The following SNTA1 variants were observed in gnomAD, a reference collection of about 807,000 sequenced individuals.
The protein encoded by SNTA1 is syntrophin alpha 1, also known as alpha-1-syntrophin.
In SNTA1, 31 loss-of-function variants were observed where a neutral mutation model predicts 47.1. The observed-to-expected ratio is 0.66, with a 90% confidence interval of 0.49 to 0.89. The LOEUF is 0.89. Among genes scored for constraint, SNTA1 ranks in the 40% least tolerant of loss-of-function variants. SNTA1 has a pLI of 0.00. For synonymous variants in SNTA1, 300 were observed against 313.6 expected (o/e 0.96, Z 0.46); for missense variants, 575 against 693.0 (o/e 0.83, Z 1.91).
At chr20:33,411,266 C>T (rs1568747491) in intron 5 of SNTA1, among the ~76,000 whole-genome samples, 1 of 152,076 alleles carries the variant, frequency 6.6e-6, no homozygotes, top group Non-Finnish European at 1.5e-5. Flanking sequence ...CCTCTCCATC[C>T]CACACACACT....
intron 5 of SNTA1, among the ~76,000 whole-genome samples, chr20:33,411,092 C>G (rs996499347): frequency 1.3e-5 from 2 of 152,098 alleles, no homozygotes; most frequent in Non-Finnish European, 2.9e-5. Flanking sequence ...CTGCCCCTCT[C>G]TGGGGCAGAA....
At chr20:33,424,140 C>G (rs1990103791) in intron 2 of SNTA1, among the ~76,000 whole-genome samples, 1 of 151,770 alleles carries the variant, frequency 6.6e-6, no homozygotes. Flanking sequence ...CATGGTGAAA[C>G]CCTGTCTCTA....
rs2146815151 is a variant in SNTA1 at position 33,443,531 on chromosome 20, C to A, written c.90G>T (p.Arg30=). The part of the protein sequence containing the change: ...GSGAGGERWQ[R]VLLSLAEDVL... The stretch of plus-strand genomic sequence containing the variant: ...CGTCCTCCGCCAGACTCAGCAGCAC[C>A]CGCTGCCATCGCTCGCCGCCGGCCC... Residue 30 remains arginine (R), a synonymous_variant, in exon 1 of 8, where the codon CGG becomes CGT. Coordinates refer to ENST00000217381, the MANE Select transcript of SNTA1 (RefSeq NM_003098.3). The A allele has an allele frequency of 7.4e-7, 1 of 1,349,778 alleles. No homozygotes were observed. The highest frequency in any genetic ancestry group is 9.6e-7 in the Non-Finnish European group (1 of 1,043,650). The allele number at this position is 1,349,778 out of a possible 1,614,324, so 83.6% of individuals were successfully genotyped here.
intron 2 of SNTA1, among the ~76,000 whole-genome samples, chr20:33,432,702 A>T (rs1990340226): frequency 6.6e-6 from 1 of 152,002 alleles, no homozygotes; most frequent in East Asian, 1.9e-4. Context: ...GTTTCTATTA[A>T]TTTTTTTTAA....
rs776849622 is a variant in SNTA1, at chr20:33,443,348, G to C, written c.273C>G (p.Arg91=). ...LLLQRRRVTV[R]KADAGGLGIS... ...TGCCCAGCCCACCGGCGTCGGCCTT[G>C]CGCACCGTCACGCGGCGCCGCTGGA... Residue 91 remains arginine, a synonymous_variant, in exon 1 of 8, where the codon CGC becomes CGG. Transcript: ENST00000217381. The C allele has an allele frequency of 1.4e-6, 2 of 1,480,662 alleles. No homozygotes were observed. The highest frequency in any genetic ancestry group is 8.9e-7 in the Non-Finnish European group (1 of 1,120,838). 91.7% of individuals were successfully genotyped at this position (1,480,662 alleles called of 1,614,324 possible).
chr20:33,411,207 C>T (rs990325989), intron 5 of SNTA1, among the ~76,000 whole-genome samples: 2 of 152,110 alleles, frequency 1.3e-5, no homozygotes, highest in African/African-American at 4.8e-5. Context: ...TTCGACTTTC[C>T]AGCCCTGAGC....
chr20:33,414,258 A>C (rs1484099085), intron 3 of SNTA1, among the ~76,000 whole-genome samples: 3 of 140,098 alleles, frequency 2.1e-5, no homozygotes, highest in Non-Finnish European at 3.0e-5. Context: ...AAAAAAAAAA[A>C]AAAAAAAAAA....
At chr20:33,436,466 T>C (rs1047901569) in intron 2 of SNTA1, among the ~76,000 whole-genome samples, 2 of 152,174 alleles carry the variant, frequency 1.3e-5, no homozygotes, top group African/African-American at 2.4e-5. Context: ...TTCTATTATT[T>C]AACTTTGCCA....
At chr20:33,411,646 T>C (rs1433542921) in intron 5 of SNTA1, among the ~76,000 whole-genome samples, 1 of 152,120 alleles carries the variant, frequency 6.6e-6, no homozygotes, top group Non-Finnish European at 1.5e-5. Flanking sequence ...CCTTCAACAC[T>C]ACCAAACTCT....
At position 33,408,190 on chromosome 20, in the gene SNTA1, G is replaced by T. The variant is rs1989641816; in HGVS notation, c.*317C>A. Reference sequence around the variant, plus strand: ...GAGGAGGCCCGGCAGCTCAGCTGTTGGCTGGGGTCAGGATCCGCACAGGGG... The same window carrying T: ...GAGGAGGCCCGGCAGCTCAGCTGTTTGCTGGGGTCAGGATCCGCACAGGGG... On this transcript the variant is annotated 3_prime_UTR_variant, in exon 8 of 8. Coordinates refer to ENST00000217381, the MANE Select transcript of SNTA1 (RefSeq NM_003098.3). 1 of 408,998 alleles carries T rather than the reference G, an allele frequency of 2.4e-6. No homozygotes were observed. The highest frequency in any genetic ancestry group is 4.9e-5 in the East Asian group (1 of 20,308). The allele number at this position is 408,998 out of a possible 1,614,324, so 25.3% of individuals were successfully genotyped here.
Position 33,443,698 on chromosome 20 carries a change from C to A in SNTA1, c.-78G>T, listed in dbSNP as rs1197907180. ...GCCCGCTCCGACCAAGCGCCCAGGG[C>A]AGAGGGCAGCGGGGGCCCGGCTGGG... On this transcript the variant is annotated 5_prime_UTR_variant, in exon 1 of 8. Transcript: ENST00000217381. The A allele has an allele frequency of 5.2e-6, 5 of 959,234 alleles. No homozygotes were observed. The highest frequency in any genetic ancestry group is 5.1e-5 in the East Asian group (1 of 19,458). The allele number at this position is 959,234 out of a possible 1,614,324, so 59.4% of individuals were successfully genotyped here. A position where few individuals can be genotyped will look rare whatever the true frequency, so the allele number is the denominator to read the frequency against.
intron 5 of SNTA1, among the ~76,000 whole-genome samples, chr20:33,411,694 G>A (rs1048586825): frequency 6.6e-6 from 1 of 152,196 alleles, no homozygotes; most frequent in African/African-American, 2.4e-5. Context: ...GGCAATAGAA[G>A]CTCTTCAAGA....
At chr20:33,419,434 T>G (rs1304622542) in intron 2 of SNTA1, among the ~76,000 whole-genome samples, 2 of 152,052 alleles carry the variant, frequency 1.3e-5, no homozygotes, top group Non-Finnish European at 2.9e-5. Context: ...TGGAGGCAAA[T>G]AAGAGGGAGT....
chr20:33,433,557 G>A (rs910925498), intron 2 of SNTA1, among the ~76,000 whole-genome samples: 9 of 152,062 alleles, frequency 5.9e-5, no homozygotes, highest in Non-Finnish European at 8.8e-5. Context: ...ATGAGTCACC[G>A]CGCCCAGCCA....
chr20:33,435,461 G>T (rs1443151905), intron 2 of SNTA1, among the ~76,000 whole-genome samples: 1 of 152,050 alleles, frequency 6.6e-6, no homozygotes, highest in Non-Finnish European at 1.5e-5. Context: ...ACCAGGCCGT[G>T]GTGGTGCACA....
chr20:33,441,117 C>T (rs1450892461), intron 1 of SNTA1, among the ~76,000 whole-genome samples: 1 of 152,212 alleles, frequency 6.6e-6, no homozygotes, highest in African/African-American at 2.4e-5. Flanking sequence ...GTTGCACTTA[C>T]CAAATGCCAA....
chr20:33,438,262 T>C (rs949484381), intron 2 of SNTA1, among the ~76,000 whole-genome samples: 1 of 152,096 alleles, frequency 6.6e-6, no homozygotes, highest in Non-Finnish European at 1.5e-5. Context: ...ATCATGCCAC[T>C]GTATTCCAGC....
At position 33,408,294 on chromosome 20, in the gene SNTA1, AAGGCCACCCCATCACAGG is replaced by A. The variant is rs776215810; in HGVS notation, c.*195_*212del. 1 of 602,644 alleles carries A rather than the reference AAGGCCACCCCATCACAGG, an allele frequency of 1.7e-6. No individual in the cohort carries two copies. Among genetic ancestry groups the A allele is most frequent in the Non-Finnish European group, 3.0e-6 (1 of 334,234 alleles). 37.3% of individuals were successfully genotyped at this position (602,644 alleles called of 1,614,324 possible). ...GGCACTGGTGGAGGGGGGCAGCAGG[AAGGCCACCCCATCACAGG>A]CAGAGTCCACTCTGTCCTGCGTCTG... On this transcript the variant is annotated 3_prime_UTR_variant, in exon 8 of 8. Transcript: ENST00000217381.
rs1280254723 is a variant in SNTA1, at chr20:33,429,827, A to G, written c.496+9014T>C. Among the ~76,000 whole-genome samples the G allele has an allele frequency of 3.9e-5, 6 of 152,124 alleles. No individual in the cohort carries two copies. In the East Asian group the frequency reaches 9.7e-4, roughly 25 times the overall value. On this transcript the variant is annotated intron_variant, in intron 2 of 7. Transcript: ENST00000217381. ...ACCCAAGTTGGAGTGCAATGGCACAATCTCAGCTCACTCCATCCTCCACAT... is the reference window on the plus strand; with the variant it reads ...ACCCAAGTTGGAGTGCAATGGCACAGTCTCAGCTCACTCCATCCTCCACAT...
Sources: gnomAD v4.1 joint callset for allele counts (sites outside exome capture counted in the v4.1 genomes callset) on GRCh38, gnomAD v4.1.1 for gene constraint, MANE v1.5 for transcripts, NCBI Gene and HGNC (gene_info 2026-07-23, HGNC 2026-07-21) for gene names.